PTGES3: variants seen among roughly 807,000 people sequenced by gnomAD.
The protein encoded by PTGES3 is Hsp90 co-chaperone.
Under a neutral mutation model 29.9 loss-of-function variants are expected in PTGES3, and 5 were observed. The observed-to-expected ratio is 0.17, with a 90% CI of 0.09 to 0.35. PTGES3 has a LOEUF of 0.35. Ranked by LOEUF, PTGES3 falls within the 10% of genes least tolerant of loss-of-function variation. The probability of loss-of-function intolerance (pLI) is 1.00; values close to 1 mark genes in which losing one functional copy is unlikely to be tolerated. For missense variants in PTGES3, 128 were observed against 190.0 expected, an observed-to-expected ratio of 0.67 and a Z score of 1.92; for synonymous variants, 49 against 57.8, an observed-to-expected ratio of 0.85 and a Z score of 0.69.
chr12:56,687,585 G>A, intron 1 of PTGES3: 2 of 1,060,244 alleles, frequency 1.9e-6, no homozygotes, highest in Non-Finnish European at 1.1e-6. Context: ...CTCGACTCAG[G>A]GCCTGGCCCC....
intron 1 of PTGES3, among the ~76,000 whole-genome samples, chr12:56,677,822 CTTATG>C (rs1228360037): frequency 1.3e-5 from 2 of 152,072 alleles, no homozygotes; most frequent in Non-Finnish European, 1.5e-5. Flanking sequence ...AGTGTCTTGG[CTTATG>C]TTGAGTATCA....
chr12:56,686,210 A>G (rs916056760), intron 1 of PTGES3, among the ~76,000 whole-genome samples: 5 of 152,224 alleles, frequency 3.3e-5, no homozygotes, highest in South Asian at 2.1e-4. Context: ...TCGCGAAAAG[A>G]TATGTTGTTT....
At chr12:56,687,513 G>C (rs1374402281) in intron 1 of PTGES3, 1 of 999,508 alleles carries the variant, frequency 1.0e-6, no homozygotes, top group South Asian at 4.3e-5. Flanking sequence ...CTCACGGCGA[G>C]GTCCGCGTGG....
chr12:56,674,952 C>T (rs576143615), intron 1 of PTGES3, among the ~76,000 whole-genome samples: 38 of 130,920 alleles, frequency 2.9e-4, no homozygotes, highest in Admixed American at 1.4e-3. Flanking sequence ...TACGGTGAGC[C>T]GAGATCAGGC....
intron 1 of PTGES3, among the ~76,000 whole-genome samples, chr12:56,678,874 T>C (rs1421519730): frequency 6.6e-6 from 1 of 152,108 alleles, no homozygotes; most frequent in Non-Finnish European, 1.5e-5. Flanking sequence ...CCTAGCACTT[T>C]AGGAGGCCAA....
At chr12:56,669,643 C>T (rs191094894) in intron 5 of PTGES3, among the ~76,000 whole-genome samples, 7 of 151,904 alleles carry the variant, frequency 4.6e-5, no homozygotes, top group South Asian at 2.1e-4. Context: ...GACCGAGTCC[C>T]GCTCTTTCGC....
intron 4 of PTGES3, chr12:56,670,730 T>C: frequency 5.4e-6 from 1 of 184,232 alleles, no homozygotes. Flanking sequence ...AACAGGCACA[T>C]GCTACTGGTG....
At chr12:56,674,698 C>T (rs1317374782) in intron 1 of PTGES3, among the ~76,000 whole-genome samples, 25 of 151,144 alleles carry the variant, frequency 1.7e-4, no homozygotes, top group Non-Finnish European at 3.1e-4. Context: ...TGGTGGTAGG[C>T]GCCTGTAGTC....
chr12:56,665,656 T>G, intron 6 of PTGES3: 1 of 983,228 alleles, frequency 1.0e-6, no homozygotes, highest in Non-Finnish European at 1.2e-6. Context: ...TCTTCTTTCT[T>G]TTTGAGATGG....
intron 1 of PTGES3, among the ~76,000 whole-genome samples, chr12:56,678,152 C>T (rs1952355517): frequency 6.6e-6 from 1 of 152,056 alleles, no homozygotes; most frequent in Non-Finnish European, 1.5e-5. Flanking sequence ...TGTCTCATTC[C>T]TCACATATTA....
Position 56,681,537 on chromosome 12 carries a change from CAAAAAA to C in PTGES3, c.2+6455_2+6460del, listed in dbSNP as rs34581651. On this transcript the variant is annotated intron_variant, in intron 1 of 7. Transcript: ENST00000262033. ...TGGGCAACAGAGTGAGACTCCATCT[CAAAAAA>C]AAAAAAAAAAAAAAAAAAGAATCAG... 3.1e-4 allele frequency among the ~76,000 whole-genome samples: 8 copies of C among 25,688 alleles called. No individual in the cohort carries two copies. The East Asian group carries it at 5.5e-3, about 18-fold the overall frequency. 16.9% of individuals were successfully genotyped at this position (25,688 alleles called of 152,430 possible).
At chr12:56,677,137 G>A (rs185743980) in intron 1 of PTGES3, among the ~76,000 whole-genome samples, 50 of 151,640 alleles carry the variant, frequency 3.3e-4, no homozygotes, top group African/African-American at 1.2e-3. Context: ...CTACTAGGAT[G>A]GCTGAGGCGG....
intron 6 of PTGES3, chr12:56,665,081 A>G (rs1397889354): frequency 1.0e-6 from 1 of 985,274 alleles, no homozygotes. Context: ...CTCGGCATTC[A>G]AAGAGAAAAC....
intron 7 of PTGES3, 90 bp downstream of exon 7, chr12:56,664,681 ATTACT>A (rs1226687348): frequency 1.4e-5 from 20 of 1,473,242 alleles, no homozygotes; most frequent in Admixed American, 2.2e-5. Flanking sequence ...TAAAGAAAAA[ATTACT>A]TTACTTCCAA....
chr12:56,671,740 GA>G lies in PTGES3; in HGVS notation c.285+8del. On this transcript the variant is annotated splice_region_variant and intron_variant, in intron 4 of 7. Coordinates refer to ENST00000262033, the MANE Select transcript of PTGES3 (RefSeq NM_006601.7). ...ATCAAACTTTTCAAAAAAGGAAAAT[GA>G]AACCTACCTTTGCCCTTTCTTTTGT... The G allele has an allele frequency of 6.7e-7, 1 of 1,490,538 alleles. No individual in the cohort carries two copies. Among genetic ancestry groups the G allele is most frequent in the Non-Finnish European group, 9.0e-7 (1 of 1,111,476 alleles). 92.3% of individuals were successfully genotyped at this position (1,490,538 alleles called of 1,614,324 possible).
At chr12:56,668,378 T>C (rs1404350177) in intron 5 of PTGES3, among the ~76,000 whole-genome samples, 1 of 152,130 alleles carries the variant, frequency 6.6e-6, no homozygotes, top group African/African-American at 2.4e-5. Flanking sequence ...TCAAGAGATA[T>C]GTAAGAGATA....
chr12:56,687,702 C>A (rs1365887969), intron 1 of PTGES3: 1 of 1,340,444 alleles, frequency 7.5e-7, no homozygotes, highest in Non-Finnish European at 9.5e-7. Context: ...GAGCTTAAGG[C>A]CTAGGGTGAA....
chr12:56,683,386 T>C (rs561748186), intron 1 of PTGES3, among the ~76,000 whole-genome samples: 39 of 144,048 alleles, frequency 2.7e-4, no homozygotes, highest in African/African-American at 2.8e-4. Context: ...GGCAGGAGAA[T>C]TGCTTGAACA....
At chr12:56,678,681 G>A (rs115006414) in intron 1 of PTGES3, among the ~76,000 whole-genome samples, 383 of 152,184 alleles carry the variant, frequency 2.5e-3, no homozygotes, top group African/African-American at 9.0e-3. Context: ...TGGTATTTAG[G>A]AACAAATACG....
Sources: gnomAD v4.1 joint callset for allele counts (sites outside exome capture counted in the v4.1 genomes callset) on GRCh38, gnomAD v4.1.1 for gene constraint, MANE v1.5 for transcripts, NCBI Gene and HGNC (gene_info 2026-07-23, HGNC 2026-07-21) for gene names.